The following KREMEN1 variants were observed in gnomAD, a reference collection of about 807,000 sequenced individuals.
KREMEN1 encodes kringle containing transmembrane protein 1.
In KREMEN1, 30 loss-of-function variants were observed where a neutral mutation model predicts 46.5. The ratio of observed to expected loss-of-function variants is 0.65; its 90% confidence interval spans 0.48 to 0.88. KREMEN1 has a LOEUF of 0.88. KREMEN1 is among the 40% of genes least tolerant of loss of function. The probability of loss-of-function intolerance (pLI) is 0.00; values close to 1 mark genes in which losing one functional copy is unlikely to be tolerated. For synonymous variants in KREMEN1, 214 were observed against 230.6 expected (o/e 0.93, Z 0.65); for missense variants, 533 against 596.9 (o/e 0.89, Z 1.11).
In KREMEN1 at chr22:29,104,139, T is replaced by C. The variant is rs576175792; in HGVS notation, c.352+5186T>C. ...AGTATCTAGATTCAAATATGTAACA[T>C]GATTAACCTAAATTGTAATTTTTTT... On this transcript the variant is annotated intron_variant, in intron 3 of 8. Transcript: ENST00000400335. Among the ~76,000 whole-genome samples the C allele has an allele frequency of 1.5e-3, 224 of 151,790 alleles. 4 individuals are homozygous for C. The South Asian group carries it at 0.042, about 29-fold the overall frequency.
rs769267750 is a variant in KREMEN1, at chr22:29,125,263, T to C, written c.478T>C (p.Phe160Leu). ...ISFCRSQRFKFAGMESGYACF... is the reference protein window; with the variant it reads ...ISFCRSQRFKLAGMESGYACF... ...GTGTGCTGCTTCTCTGTTGTGGCAG[T>C]TTGCTGGGATGGAGTCAGGCTATGC... The change falls in exon 5 of 9, where the codon TTT becomes CTT. Residue 160 changes from phenylalanine (F) to leucine (L), a missense_variant and splice_region_variant. By Grantham distance (22) the Phe-to-Leu change is conservative. Transcript: ENST00000400335. 2.5e-6 allele frequency: 4 copies of C among 1,613,880 alleles called. No homozygotes were observed. Among genetic ancestry groups the C allele is most frequent in the East Asian group, 2.2e-5 (1 of 44,892 alleles).
intron 3 of KREMEN1, among the ~76,000 whole-genome samples, chr22:29,115,408 C>T (rs1332075569): frequency 5.3e-5 from 8 of 150,448 alleles, no homozygotes; most frequent in Non-Finnish European, 1.0e-4. Flanking sequence ...AACCAAACAC[C>T]ACCTGTTCCC....
chr22:29,126,164 G>T (rs2038439042), intron 5 of KREMEN1, among the ~76,000 whole-genome samples: 1 of 152,022 alleles, frequency 6.6e-6, no homozygotes, highest in African/African-American at 2.4e-5. Context: ...TAGTGTCTGT[G>T]GTGTCTTTGG....
intron 3 of KREMEN1, among the ~76,000 whole-genome samples, chr22:29,118,874 A>G (rs756542341): frequency 6.6e-6 from 1 of 152,158 alleles, no homozygotes; most frequent in Non-Finnish European, 1.5e-5. Flanking sequence ...CCTACAATTA[A>G]GTTATGGCAC....
At chr22:29,080,122 A>G (rs529257682) in intron 1 of KREMEN1, among the ~76,000 whole-genome samples, 1 of 152,188 alleles carries the variant, frequency 6.6e-6, no homozygotes, top group African/African-American at 2.4e-5. Flanking sequence ...CTGTCCTTTT[A>G]AGGGGCTTTC....
intron 3 of KREMEN1, among the ~76,000 whole-genome samples, chr22:29,106,559 T>C (rs79552818): frequency 0.053 from 8,054 of 152,228 alleles, 265 homozygotes; most frequent in East Asian, 0.12. Context: ...CCCGCCTCCA[T>C]TTCTCAGATA....
intron 1 of KREMEN1, among the ~76,000 whole-genome samples, chr22:29,075,962 G>C (rs781525894): frequency 1.3e-5 from 2 of 152,126 alleles, no homozygotes; most frequent in African/African-American, 2.4e-5. Context: ...AACCCCAAAT[G>C]ATCTCCCTTC....
In KREMEN1 at chr22:29,144,234, T is replaced by G. The variant is rs2038817362; in HGVS notation, c.*2122T>G. 1.0e-6 allele frequency: 1 copy of G among 985,372 alleles called. No homozygotes were observed. The highest frequency in any genetic ancestry group is 1.7e-5 in the African/African-American group (1 of 57,210). The allele number at this position is 985,372 out of a possible 1,614,324, so 61.0% of individuals were successfully genotyped here. On this transcript the variant is annotated 3_prime_UTR_variant, in exon 9 of 9. Transcript: ENST00000400335. The stretch of plus-strand genomic sequence containing the variant: ...CTGCCTGCTGGGGCTCCTACTGAGG[T>G]TCTGGAAACACCTCTGCACCTGCCG...
At chr22:29,088,908 T>TA (rs2037768785) in intron 1 of KREMEN1, among the ~76,000 whole-genome samples, 1 of 152,132 alleles carries the variant, frequency 6.6e-6, no homozygotes, top group Non-Finnish European at 1.5e-5. Flanking sequence ...GCCCCTAACA[T>TA]ACGCTTTCCA....
At chr22:29,130,216 C>T (rs1208260529) in intron 5 of KREMEN1, among the ~76,000 whole-genome samples, 1 of 152,188 alleles carries the variant, frequency 6.6e-6, no homozygotes, top group African/African-American at 2.4e-5. Flanking sequence ...GTTCAGTAAT[C>T]TGCCCAAGGT....
rs1292254319 is a variant in KREMEN1 at position 29,142,842 on chromosome 22, G to GCTTT, written c.*731_*734dup. On this transcript the variant is annotated 3_prime_UTR_variant, in exon 9 of 9. Transcript: ENST00000400335. ...TGGAGCTGCAGGGAAAGCTTTAAGA[G>GCTTT]CTTTGGTCATATAAAACATCCATTC... 2.1e-5 allele frequency: 21 copies of GCTTT among 985,480 alleles called. No individual in the cohort carries two copies. In the East Asian group the frequency reaches 2.0e-3, roughly 96 times the overall value. 61.0% of individuals were successfully genotyped at this position (985,480 alleles called of 1,614,324 possible). A position where few individuals can be genotyped will look rare whatever the true frequency, so the allele number is the denominator to read the frequency against.
Position 29,144,212 on chromosome 22 carries a change from C to T in KREMEN1, c.*2100C>T. On this transcript the variant is annotated 3_prime_UTR_variant, in exon 9 of 9. Transcript: ENST00000400335. Reference sequence around the variant, plus strand: ...ACCTCCCCCAAGCCCTGAGCCACTGCCTGCTGGGGCTCCTACTGAGGTTCT... The same window carrying T: ...ACCTCCCCCAAGCCCTGAGCCACTGTCTGCTGGGGCTCCTACTGAGGTTCT... 2.0e-6 allele frequency: 2 copies of T among 985,574 alleles called. No individual in the cohort carries two copies. The highest frequency in any genetic ancestry group is 2.4e-6 in the Non-Finnish European group (2 of 830,030). 61.1% of individuals were successfully genotyped at this position (985,574 alleles called of 1,614,324 possible).
chr22:29,100,773 C>T (rs1423383286), intron 3 of KREMEN1, among the ~76,000 whole-genome samples: 1 of 152,132 alleles, frequency 6.6e-6, no homozygotes, highest in Admixed American at 6.6e-5. Flanking sequence ...GATGACAGCT[C>T]CATGTGGGTT....
At chr22:29,109,420 T>A (rs554802084) in intron 3 of KREMEN1, among the ~76,000 whole-genome samples, 1 of 152,330 alleles carries the variant, frequency 6.6e-6, no homozygotes, top group Admixed American at 6.5e-5. Flanking sequence ...AGCACACCAA[T>A]CATATAAATA....
chr22:29,140,474 C>G, intron 8 of KREMEN1, 108 bp downstream of exon 8: 1 of 825,388 alleles, frequency 1.2e-6, no homozygotes, highest in Non-Finnish European at 2.0e-6. Flanking sequence ...CACATGATTC[C>G]AAAGCCCTCA....
chr22:29,130,767 G>A (rs2038520279), intron 5 of KREMEN1, among the ~76,000 whole-genome samples: 1 of 152,200 alleles, frequency 6.6e-6, no homozygotes, highest in Non-Finnish European at 1.5e-5. Flanking sequence ...ATCACAGAAG[G>A]CAGGAGGACA....
intron 3 of KREMEN1, chr22:29,111,685 A>G (rs1324643236): frequency 6.4e-5 from 2 of 31,282 alleles, no homozygotes; most frequent in Non-Finnish European, 1.4e-4. Flanking sequence ...TTTACTTAGG[A>G]AAAAAAAAAA....
chr22:29,097,725 G>A (rs1187860785), intron 2 of KREMEN1, among the ~76,000 whole-genome samples: 1 of 151,722 alleles, frequency 6.6e-6, no homozygotes, highest in African/African-American at 2.4e-5. Flanking sequence ...TCACTATAGA[G>A]GAAATAAAAT....
At chr22:29,077,394 A>G (rs2037589639) in intron 1 of KREMEN1, among the ~76,000 whole-genome samples, 1 of 152,178 alleles carries the variant, frequency 6.6e-6, no homozygotes, top group South Asian at 2.1e-4. Flanking sequence ...CTGTCACCCA[A>G]GCTGAAGTGC....
Sources: gnomAD v4.1 joint callset for allele counts (sites outside exome capture counted in the v4.1 genomes callset) on GRCh38, gnomAD v4.1.1 for gene constraint, MANE v1.5 for transcripts, NCBI Gene and HGNC (gene_info 2026-07-23, HGNC 2026-07-21) for gene names.